KANK1: variants seen among roughly 807,000 people sequenced by gnomAD.
KANK1 encodes the protein KN motif and ankyrin repeat domain-containing protein 1.
A neutral mutation model predicts 106.2 loss-of-function variants in KANK1; 109 were observed. That is an observed-to-expected ratio of 1.03 (90% CI 0.88 to 1.20). KANK1 has a LOEUF of 1.20. Among genes scored for constraint, KANK1 ranks in the 50% most tolerant of loss-of-function variants. KANK1 has a pLI of 0.00. For synonymous variants in KANK1, 873 were observed against 652.2 expected (o/e 1.34, Z -5.16); for missense variants, 2,399 against 1,710.7 (o/e 1.40, Z -7.10).
intron 1 of KANK1, among the ~76,000 whole-genome samples, chr9:547,936 C>G (rs1409945631): frequency 6.6e-6 from 1 of 152,144 alleles, no homozygotes; most frequent in Non-Finnish European, 1.5e-5. Context: ...AGCCTGAGAT[C>G]ATCTGACTTT....
At chr9:689,360 C>A (rs1224270997) in intron 2 of KANK1, among the ~76,000 whole-genome samples, 1 of 152,100 alleles carries the variant, frequency 6.6e-6, no homozygotes, top group Non-Finnish European at 1.5e-5. Flanking sequence ...GCATCGTCTT[C>A]CTAAAGTCAC....
At chr9:660,190 C>G (rs1218393769) in intron 1 of KANK1, 5 of 297,122 alleles carry the variant, frequency 1.7e-5, no homozygotes, top group South Asian at 3.9e-5. Context: ...AGAAATTTGC[C>G]TGCAATGATA....
intron 1 of KANK1, among the ~76,000 whole-genome samples, chr9:545,879 G>T (rs1489548813): frequency 6.6e-6 from 1 of 151,974 alleles, no homozygotes; most frequent in African/African-American, 2.4e-5. Context: ...CCAAGTAGCT[G>T]GGATTACAGG....
chr9:691,018 G>A (rs1186595868), intron 2 of KANK1, among the ~76,000 whole-genome samples: 2 of 152,214 alleles, frequency 1.3e-5, no homozygotes, highest in Non-Finnish European at 2.9e-5. Context: ...AGGCAGATAG[G>A]TGTGTGTTTC....
At chr9:604,878 A>T (rs1301235709) in intron 1 of KANK1, among the ~76,000 whole-genome samples, 1 of 151,826 alleles carries the variant, frequency 6.6e-6, no homozygotes, top group Admixed American at 6.5e-5. Flanking sequence ...GCCATGCAGA[A>T]CTGTGAGTCA....
chr9:479,978 T>G (rs542439112), intron 3 of KANK1, among the ~76,000 whole-genome samples: 1 of 152,238 alleles, frequency 6.6e-6, no homozygotes, highest in Admixed American at 6.5e-5. Context: ...CAGAAAAATA[T>G]GGGTTTTTTC....
At chr9:478,916 C>T (rs989424839) in intron 3 of KANK1, among the ~76,000 whole-genome samples, 5 of 147,322 alleles carry the variant, frequency 3.4e-5, no homozygotes, top group Non-Finnish European at 7.4e-5. Flanking sequence ...GCTAAACATC[C>T]ATTACTTTTT....
chr9:695,160 A>T (rs527443335), intron 2 of KANK1, among the ~76,000 whole-genome samples: 13 of 151,834 alleles, frequency 8.6e-5, no homozygotes, highest in Non-Finnish European at 1.8e-4. Flanking sequence ...CCTTCCCCCA[A>T]CCTAGGCAGG....
At position 732,504 on chromosome 9, in the gene KANK1, G is replaced by T; in HGVS notation, c.3132G>T (p.Arg1044=). 1 of 1,614,114 alleles carries T rather than the reference G, an allele frequency of 6.2e-7. No homozygotes were observed. The highest frequency in any genetic ancestry group is 1.1e-5 in the South Asian group (1 of 91,072). Residue 1044 remains arginine, a synonymous_variant, in exon 6 of 12, where the codon CGG becomes CGT. Coordinates refer to ENST00000382297, the MANE Select transcript of KANK1 (RefSeq NM_015158.5). ...EEEEEEDEDT[R]GMAEGHHAVN... ...AGGAGGAGGAGGATGAAGACACTCG[G>T]GGAATGGCAGAAGGGCACCATGCAG...
intron 1 of KANK1, among the ~76,000 whole-genome samples, chr9:578,829 T>A (rs1486706810): frequency 6.6e-6 from 1 of 152,180 alleles, no homozygotes; most frequent in Non-Finnish European, 1.5e-5. Flanking sequence ...CACCTCTGTA[T>A]AATATTTAAC....
chr9:553,941 T>G (rs1445100001), intron 1 of KANK1, among the ~76,000 whole-genome samples: 1 of 152,244 alleles, frequency 6.6e-6, no homozygotes, highest in African/African-American at 2.4e-5. Context: ...TTGGGTCCTC[T>G]GGAGCATTAT....
At chr9:555,865 A>G (rs10113966) in intron 1 of KANK1, among the ~76,000 whole-genome samples, 11,260 of 152,208 alleles carry the variant, frequency 0.074, 1,137 homozygotes, top group East Asian at 0.22. Context: ...GATGCCGACA[A>G]CCCCTTCTGT....
At chr9:596,553 C>G (rs1404521026) in intron 1 of KANK1, among the ~76,000 whole-genome samples, 1 of 151,674 alleles carries the variant, frequency 6.6e-6, no homozygotes. Flanking sequence ...TCCTTTTCCC[C>G]TGGCAATAGC....
chr9:595,244 T>C (rs1260347878), intron 1 of KANK1, among the ~76,000 whole-genome samples: 4 of 151,546 alleles, frequency 2.6e-5, no homozygotes, highest in African/African-American at 7.3e-5. Context: ...TGAGACCCTG[T>C]CTCTACTTTT....
chr9:684,597 G>C (rs981115010), intron 2 of KANK1: 14 of 984,802 alleles, frequency 1.4e-5, no homozygotes, highest in Non-Finnish European at 1.7e-5. Context: ...ATTTATTTCT[G>C]ATTATGCACT....
chr9:728,386 CG>C (rs1289295437), intron 3 of KANK1, among the ~76,000 whole-genome samples: 3 of 152,118 alleles, frequency 2.0e-5, no homozygotes, highest in Non-Finnish European at 4.4e-5. Flanking sequence ...TTAGTAGAGA[CG>C]GGGTTTCACC....
At chr9:552,609 C>G (rs1341653045) in intron 1 of KANK1, among the ~76,000 whole-genome samples, 1 of 152,186 alleles carries the variant, frequency 6.6e-6, no homozygotes, top group African/African-American at 2.4e-5. Context: ...GGAATTTTGC[C>G]TGCCTTCTGC....
At position 738,308 on chromosome 9, in the gene KANK1, G is replaced by C; in HGVS notation, c.3357G>C (p.Gln1119His). ...AGAGGTTCTGTCTGAACACCCTCCAGCACGAGTGGTTCCGCGTGTCCAGTC... is the reference window on the plus strand; with the variant it reads ...AGAGGTTCTGTCTGAACACCCTCCACCACGAGTGGTTCCGCGTGTCCAGTC... ...KDMRFCLNTL[Q>H]HEWFRVSSQK... The change falls in exon 8 of 12, where the codon CAG (glutamine) becomes CAC (histidine). Residue 1119 changes from glutamine (Q) to histidine (H), a missense_variant. Gln to His is a conservative substitution (Grantham distance 24). Transcript: ENST00000382297. 6.2e-7 allele frequency: 1 copy of C among 1,613,594 alleles called. No homozygotes were observed. The highest frequency in any genetic ancestry group is 8.5e-7 in the Non-Finnish European group (1 of 1,179,812).
At chr9:705,425 G>A (rs1393117421) in intron 2 of KANK1, among the ~76,000 whole-genome samples, 1 of 152,136 alleles carries the variant, frequency 6.6e-6, no homozygotes, top group Non-Finnish European at 1.5e-5. Flanking sequence ...GGTGGAGGTT[G>A]CAGTGAGCCA....
Sources: allele counts gnomAD v4.1 joint callset (sites outside exome capture counted in the v4.1 genomes callset), GRCh38; gene constraint gnomAD v4.1.1; transcripts MANE v1.5; gene names NCBI Gene and HGNC (gene_info 2026-07-23, HGNC 2026-07-21).